Variants in HIP1R observed in about 807,000 individuals in gnomAD.
The protein encoded by HIP1R is huntingtin interacting protein 1 related, also known as huntingtin-interacting protein 1-related protein.
Under a neutral mutation model 144.2 loss-of-function variants are expected in HIP1R, and 135 were observed. The ratio of observed to expected loss-of-function variants is 0.94; its 90% CI spans 0.81 to 1.08. The LOEUF is 1.08. HIP1R is among the 50% of genes least tolerant of loss of function. The pLI, the probability that HIP1R is intolerant of heterozygous loss-of-function variation, is 0.00. For synonymous variants in HIP1R, 698 were observed against 612.8 expected, an observed-to-expected ratio of 1.14 and a Z score of -2.05; for missense variants, 1,462 against 1,432.8, an observed-to-expected ratio of 1.02 and a Z score of -0.33.
chr12:122,847,963 C>T (rs1371123970), intron 1 of HIP1R, 68 bp from the exon 2 acceptor site: 17 of 1,459,236 alleles, frequency 1.2e-5, no homozygotes, highest in Admixed American at 1.7e-5. Context: ...TGTGCTTCTC[C>T]CCCTTGGGGT....
chr12:122,860,631 C>T (rs372020614), intron 27 of HIP1R, 48 bp from the exon 28 acceptor site: 487 of 1,579,748 alleles, frequency 3.1e-4, no homozygotes, highest in African/African-American at 4.6e-4. Context: ...TGGTGCCAGC[C>T]GTCCGTGGGG....
At chr12:122,854,016 G>T (rs374446085) in intron 7 of HIP1R, 27 bp from the exon 8 acceptor site, 3 of 1,608,652 alleles carry the variant, frequency 1.9e-6, no homozygotes, top group African/African-American at 1.3e-5. Flanking sequence ...AAGGGCTCAC[G>T]TTCTTCCTCC....
At position 122,856,734 on chromosome 12, in the gene HIP1R, T is replaced by A. The variant is rs762974287; in HGVS notation, c.1620+8T>A. On this transcript the variant is annotated splice_region_variant and intron_variant, in intron 17 of 31. Transcript: ENST00000253083. ...CTGAGCCACACAGAGCAGGTGCATC[T>A]GGCTTTGATGACTGGAGGTGGGGTT... 1 of 1,559,600 alleles carries A rather than the reference T, an allele frequency of 6.4e-7. No homozygotes were observed. Among genetic ancestry groups the A allele is most frequent in the South Asian group, 1.2e-5 (1 of 85,126 alleles).
chr12:122,853,680 C>T (rs981072386), intron 7 of HIP1R: 6 of 194,588 alleles, frequency 3.1e-5, no homozygotes, highest in Non-Finnish European at 5.2e-5. Context: ...GGTGCTCCAT[C>T]GTGAGCCTCC....
chr12:122,859,817 G>A lies in HIP1R; in HGVS notation c.2452G>A (p.Glu818Lys), dbSNP rs754439490. 1.2e-6 allele frequency: 2 copies of A among 1,612,766 alleles called. No individual in the cohort carries two copies. The highest frequency in any genetic ancestry group is 1.1e-5 in the South Asian group (1 of 91,014). Residue 818 changes from glutamate (E) to lysine (K), a missense_variant, in exon 24 of 32, where the codon GAG becomes AAG. By Grantham distance (56) the Glu-to-Lys change is moderately conservative (BLOSUM62 1). Transcript: ENST00000253083. ...ARHASSGVKLEVNERILNSCT... is the reference protein window; with the variant it reads ...ARHASSGVKLKVNERILNSCT... ...CCACGCCAGCTCGGGGGTGAAGCTGGAGGTGAACGAGAGGTGAGCCCCCCT... is the reference window on the plus strand; with the variant it reads ...CCACGCCAGCTCGGGGGTGAAGCTGAAGGTGAACGAGAGGTGAGCCCCCCT...
At chr12:122,856,199 T>G (rs2033570064) in intron 14 of HIP1R, 36 bp downstream of exon 14, 2 of 1,612,196 alleles carry the variant, frequency 1.2e-6, no homozygotes, top group Non-Finnish European at 8.5e-7. Flanking sequence ...TCCAAGGGTG[T>G]GTCCCCAGCC....
chr12:122,861,575 G>T (rs921558361), intron 31 of HIP1R, 61 bp downstream of exon 31: 32 of 1,573,472 alleles, frequency 2.0e-5, no homozygotes, highest in Non-Finnish European at 2.4e-5. Context: ...AGCCCTAGAG[G>T]GGCACATGGT....
intron 1 of HIP1R, among the ~76,000 whole-genome samples, chr12:122,846,929 G>A (rs553887745): frequency 1.3e-5 from 2 of 152,372 alleles, no homozygotes; most frequent in Admixed American, 1.3e-4. Flanking sequence ...GTGCAGTGGT[G>A]TCTGGGGAGA....
Position 122,859,174 on chromosome 12 carries a change from C to T in HIP1R, c.2272C>T (p.Gln758Ter). 6.3e-7 allele frequency: 1 copy of T among 1,575,250 alleles called. No homozygotes were observed. The highest frequency in any genetic ancestry group is 8.6e-7 in the Non-Finnish European group (1 of 1,161,166). Residue 758 changes from glutamine (Q) to a stop codon, truncating the protein, a stop_gained, in exon 22 of 32, where the codon CAG becomes TAG. Transcript: ENST00000253083. LOFTEE classifies it high-confidence loss of function. The stretch of plus-strand genomic sequence containing the variant: ...GGCCAGCCTGGTGCGGACACCCCTG[C>T]AGGGCATCCTTCAGCTGGGCCAGGT... The part of the protein sequence containing the change: ...MQASLVRTPL[Q>*]GILQLGQELK...
At position 122,860,983 on chromosome 12, in the gene HIP1R, G is replaced by T; in HGVS notation, c.2834G>T (p.Arg945Met). 4 of 1,613,588 alleles carry T rather than the reference G, an allele frequency of 2.5e-6. No individual in the cohort carries two copies. The highest frequency in any genetic ancestry group is 3.4e-6 in the Non-Finnish European group (4 of 1,180,004). ...GAATGTTCTCGCACAGTCAATGAGA[G>T]GGCTGCCAATGTGGTGGCCTCCACC... The part of the protein sequence containing the change: ...LQECSRTVNE[R>M]AANVVASTKS... The change falls in exon 29 of 32, where the codon AGG (arginine) becomes ATG (methionine). Residue 945 changes from arginine (R) to methionine (M), a missense_variant. Coordinates refer to ENST00000253083, the MANE Select transcript of HIP1R (RefSeq NM_003959.3).
chr12:122,853,779 C>T (rs551897938), intron 7 of HIP1R: 219 of 386,874 alleles, frequency 5.7e-4, no homozygotes, highest in African/African-American at 4.3e-3. Flanking sequence ...GTCCTGGGCT[C>T]CCAGGTGGAG....
intron 1 of HIP1R, among the ~76,000 whole-genome samples, chr12:122,838,320 T>TAAAA (rs66537531): frequency 6.9e-5 from 10 of 145,394 alleles, no homozygotes; most frequent in African/African-American, 2.8e-4. Flanking sequence ...GTCCCTTTGG[T>TAAAA]TAAAAAAAAA....
chr12:122,860,318 A>C, intron 26 of HIP1R, 105 bp from the exon 27 acceptor site: 1 of 1,542,546 alleles, frequency 6.5e-7, no homozygotes, highest in African/African-American at 1.4e-5. Flanking sequence ...GGCCTCAGGG[A>C]TGCGCCCTAT....
chr12:122,857,488 T>A (rs1593886735), intron 18 of HIP1R: 1 of 558,058 alleles, frequency 1.8e-6, no homozygotes, highest in Non-Finnish European at 3.2e-6. Context: ...TGGTGGACAT[T>A]GGGTTTGTTG....
chr12:122,845,787 G>A (rs960403239), intron 1 of HIP1R, among the ~76,000 whole-genome samples: 5 of 152,168 alleles, frequency 3.3e-5, no homozygotes, highest in Admixed American at 3.3e-4. Flanking sequence ...TGCCGGGTGC[G>A]GGGAGCTGGA....
rs765595905 is a variant in HIP1R, at chr12:122,857,169, G to A, written c.1769G>A (p.Arg590His). 60 of 1,550,304 alleles carry A rather than the reference G, an allele frequency of 3.9e-5. No homozygotes were observed. The highest frequency in any genetic ancestry group is 9.8e-5 in the East Asian group (4 of 40,930). ...GCGGCGCTGAGCCGGGAGCAGCAGCGCAGCTCCCAGGAGCAGGGCGAGTTG... is the reference window on the plus strand; with the variant it reads ...GCGGCGCTGAGCCGGGAGCAGCAGCACAGCTCCCAGGAGCAGGGCGAGTTG... ...TEAALSREQQRSSQEQGELQG... is the reference protein window; with the variant it reads ...TEAALSREQQHSSQEQGELQG... The change falls in exon 18 of 32, where the codon CGC (arginine) becomes CAC (histidine). Residue 590 changes from arginine to histidine, a missense_variant. By Grantham distance (29) the Arg-to-His change is conservative. Transcript: ENST00000253083.
intron 1 of HIP1R, among the ~76,000 whole-genome samples, chr12:122,845,464 C>T (rs759729820): frequency 2.6e-5 from 4 of 152,224 alleles, no homozygotes; most frequent in Admixed American, 6.5e-5. Flanking sequence ...GCCGCCAGCG[C>T]GGGGAGCAGG....
In HIP1R at chr12:122,848,505, C is replaced by T. The variant is rs371031790; in HGVS notation, c.197C>T (p.Thr66Ile). The change falls in exon 3 of 32, where the codon ACC (threonine) becomes ATC (isoleucine). Residue 66 changes from threonine to isoleucine, a missense_variant. Thr to Ile is a moderately conservative substitution (Grantham distance 89, BLOSUM62 -1). Transcript: ENST00000253083. ...ACACACCACGAGAAGGGGGCTTTCACCTTCTGGTCCTACGCCATTGGGCTG... is the reference window on the plus strand; with the variant it reads ...ACACACCACGAGAAGGGGGCTTTCATCTTCTGGTCCTACGCCATTGGGCTG... ...LGTHHEKGAF[T>I]FWSYAIGLPL... The T allele has an allele frequency of 2.5e-6, 4 of 1,613,198 alleles. No individual in the cohort carries two copies. Among genetic ancestry groups the T allele is most frequent in the South Asian group, 2.2e-5 (2 of 91,088 alleles).
rs568164279 is a variant in HIP1R at position 122,859,754 on chromosome 12, C to A, written c.2407-18C>A. ...TCCCCTCCTCCCAGCCAGCTCACGGCTCTGTTCTTGGGTGCAGGACATGAT... is the reference window on the plus strand; with the variant it reads ...TCCCCTCCTCCCAGCCAGCTCACGGATCTGTTCTTGGGTGCAGGACATGAT... On this transcript the variant is annotated intron_variant, in intron 23 of 31. Transcript: ENST00000253083. 1.2e-6 allele frequency: 2 copies of A among 1,611,380 alleles called. No homozygotes were observed. The highest frequency in any genetic ancestry group is 1.7e-6 in the Non-Finnish European group (2 of 1,178,556).
Sources: allele counts gnomAD v4.1 joint callset (sites outside exome capture counted in the v4.1 genomes callset), GRCh38; gene constraint gnomAD v4.1.1; transcripts MANE v1.5; gene names NCBI Gene and HGNC (gene_info 2026-07-23, HGNC 2026-07-21).